The following SLC25A34 variants were observed in gnomAD, a reference collection of about 807,000 sequenced individuals.
SLC25A34 encodes the protein solute carrier family 25 member 34, also known as solute carrier family 25, member 34.
Under a neutral mutation model 28.1 loss-of-function variants are expected in SLC25A34, and 26 were observed. That is an observed-to-expected ratio of 0.93 (90% CI 0.68 to 1.28). SLC25A34 has a LOEUF of 1.28. Among genes scored for constraint, SLC25A34 ranks in the 50% most tolerant of loss-of-function variants. The pLI is 0.00. For missense variants in SLC25A34, 384 were observed against 409.8 expected (o/e 0.94, Z 0.54); for synonymous variants, 182 against 182.2 (o/e 1.00, Z 0.01).
At chr1:15,737,730 A>G in intron 1 of SLC25A34, 199 bp from the exon 2 acceptor site, 1 of 599,948 alleles carries the variant, frequency 1.7e-6, no homozygotes, top group Non-Finnish European at 3.0e-6. Flanking sequence ...AACTTGCTCC[A>G]AGTCACACTG....
chr1:15,737,007 C>T, intron 1 of SLC25A34, 144 bp downstream of exon 1: 1 of 1,181,296 alleles, frequency 8.5e-7, no homozygotes, highest in Non-Finnish European at 1.1e-6. Context: ...AACATCCTAG[C>T]CCAAGCCTGG....
At chr1:15,737,848 GCAGGGCGCCCTCAA>G (rs2068239984) in intron 1 of SLC25A34, 67 bp from the exon 2 acceptor site, 1 of 1,504,822 alleles carries the variant, frequency 6.6e-7, no homozygotes. Context: ...GGGCACGGGG[GCAGGGCGCCCTCAA>G]CACACACAGC....
Position 15,739,306 on chromosome 1 carries a change from G to T in SLC25A34, c.815G>T (p.Gly272Val). 2 of 1,610,990 alleles carry T rather than the reference G, an allele frequency of 1.2e-6. No homozygotes were observed. Among genetic ancestry groups the T allele is most frequent in the Non-Finnish European group, 1.7e-6 (2 of 1,178,950 alleles). ...CCCCTGGCACTCTACAAGGGCCTGGGCCCCGCCTACCTGCGCCTGGGCCCC... is the reference window on the plus strand; with the variant it reads ...CCCCTGGCACTCTACAAGGGCCTGGTCCCCGCCTACCTGCGCCTGGGCCCC... ...EGPLALYKGLGPAYLRLGPHT... is the reference protein window; with the variant it reads ...EGPLALYKGLVPAYLRLGPHT... Residue 272 changes from glycine to valine, a missense_variant, in exon 5 of 5, where the codon GGC (glycine) becomes GTC (valine). Coordinates refer to ENST00000294454, the MANE Select transcript of SLC25A34 (RefSeq NM_207348.3).
At chr1:15,737,893 T>A in intron 1 of SLC25A34, 36 bp from the exon 2 acceptor site, 1 of 1,613,242 alleles carries the variant, frequency 6.2e-7, no homozygotes, top group Non-Finnish European at 8.5e-7. Context: ...TCTCCCAGGC[T>A]CCATCCCCAC....
At chr1:15,738,536 C>T (rs2068247999) in intron 3 of SLC25A34, 58 bp from the exon 4 acceptor site, 1 of 1,563,070 alleles carries the variant, frequency 6.4e-7, no homozygotes, top group Non-Finnish European at 8.6e-7. Context: ...GCCGGGAGGG[C>T]ACGACGTGGG....
chr1:15,738,392 T>C, intron 3 of SLC25A34, 147 bp downstream of exon 3: 1 of 1,314,234 alleles, frequency 7.6e-7, no homozygotes, highest in Non-Finnish European at 1.0e-6. Flanking sequence ...CGGCCCTTGG[T>C]ACCAGCAGGA....
chr1:15,737,820 TG>T, intron 1 of SLC25A34, 108 bp from the exon 2 acceptor site: 2 of 1,219,600 alleles, frequency 1.6e-6, no homozygotes, highest in South Asian at 1.3e-5. Context: ...CTCGGGACCA[TG>T]GAGCTGTGAG....
chr1:15,738,606 G>A lies in SLC25A34; in HGVS notation c.610G>A (p.Asp204Asn). The A allele has an allele frequency of 1.2e-6, 2 of 1,608,244 alleles. No homozygotes were observed. Among genetic ancestry groups the A allele is most frequent in the South Asian group, 2.2e-5 (2 of 90,660 alleles). The stretch of plus-strand genomic sequence containing the variant: ...GCCATCCCCACAGTGGCTCCCTGAG[G>A]ACAGCTGGCTGGTGGCCCTGGCTGG... ...WVQKQQWLPE[D>N]SWLVALAGGM... The change falls in exon 4 of 5, where the codon GAC becomes AAC. Residue 204 changes from aspartate (D) to asparagine (N), a missense_variant. Coordinates refer to ENST00000294454, the MANE Select transcript of SLC25A34 (RefSeq NM_207348.3).
intron 4 of SLC25A34, 155 bp from the exon 5 acceptor site, chr1:15,739,056 GGCCTGACCCCACA>G: frequency 1.2e-6 from 1 of 860,118 alleles, no homozygotes; most frequent in Non-Finnish European, 1.7e-6. Flanking sequence ...CTGGAATTCA[GGCCTGACCCCACA>G]GCCTTCCCAT....
At chr1:15,738,337 G>T (rs2068246436) in intron 3 of SLC25A34, 92 bp downstream of exon 3, 3 of 1,472,510 alleles carry the variant, frequency 2.0e-6, no homozygotes, top group African/African-American at 1.4e-5. Flanking sequence ...AGACCAGGGG[G>T]TGGCAACAGA....
In SLC25A34 at chr1:15,739,203, T is replaced by A. The variant is rs2148390718; in HGVS notation, c.733-21T>A. The A allele has an allele frequency of 3.7e-6, 6 of 1,608,170 alleles. No homozygotes were observed. The East Asian group carries it at 1.3e-4, about 36-fold the overall frequency. ...GGCCTCAAGGCCCCTGTAGTAACAC[T>A]CACCCCATGTCTTTCCCCAGGGCCA... On this transcript the variant is annotated intron_variant, in intron 4 of 4. Transcript: ENST00000294454.
Position 15,738,156 on chromosome 1 carries a change from G to A in SLC25A34, c.508G>A (p.Val170Ile), listed in dbSNP as rs769452605. The change falls in exon 3 of 5, where the codon GTT (valine) becomes ATT (isoleucine). Residue 170 changes from valine (V) to isoleucine (I), a missense_variant. Physicochemically the swap from Val to Ile is conservative, Grantham distance 29. Transcript: ENST00000294454. Reference sequence around the variant, plus strand: ...AGGGCTCTTGGGGCTGTGGCAGGGCGTTGGTGGGGCTGTGCCCCGAGTCAT... The same window carrying A: ...AGGGCTCTTGGGGCTGTGGCAGGGCATTGGTGGGGCTGTGCCCCGAGTCAT... ...QQGLLGLWQG[V>I]GGAVPRVMVG... 79 of 1,607,838 alleles carry A rather than the reference G, an allele frequency of 4.9e-5. 1 individual carries two copies. Among genetic ancestry groups the A allele is most frequent in the East Asian group, 1.1e-4 (5 of 44,780 alleles).
rs773313025 is a variant in SLC25A34, at chr1:15,738,641, C to CA, written c.646dup (p.Ser216LysfsTer108). ...TGGTGGCCCTGGCTGGGGGCATGAT[C>CA]AGCAGCATAGCCGTGGTTGTCGTCA... On this transcript the variant is annotated frameshift_variant, in exon 4 of 5. Coordinates refer to ENST00000294454, the MANE Select transcript of SLC25A34 (RefSeq NM_207348.3). LOFTEE classifies it high-confidence loss of function. 2 of 1,609,502 alleles carry CA rather than the reference C, an allele frequency of 1.2e-6. No homozygotes were observed. The highest frequency in any genetic ancestry group is 3.4e-5 in the Admixed American group (2 of 59,620).
In SLC25A34 at chr1:15,739,215, T is replaced by G. The variant is rs1217994950; in HGVS notation, c.733-9T>G. ...CCTGTAGTAACACTCACCCCATGTC[T>G]TTCCCCAGGGCCAGCTCTATGGGGG... On this transcript the variant is annotated splice_polypyrimidine_tract_variant and intron_variant, in intron 4 of 4. Coordinates refer to ENST00000294454, the MANE Select transcript of SLC25A34 (RefSeq NM_207348.3). 1.6e-5 allele frequency: 26 copies of G among 1,611,454 alleles called. No individual in the cohort carries two copies. The Admixed American group carries it at 4.4e-4, about 27-fold the overall frequency.
rs368969207 is a variant in SLC25A34, at chr1:15,738,654, G to A, written c.658G>A (p.Val220Met). 14 of 1,609,086 alleles carry A rather than the reference G, an allele frequency of 8.7e-6. No homozygotes were observed. Among genetic ancestry groups the A allele is most frequent in the Admixed American group, 3.4e-5 (2 of 59,486 alleles). Residue 220 changes from valine (V) to methionine (M), a missense_variant, in exon 4 of 5, where the codon GTG becomes ATG. Coordinates refer to ENST00000294454, the MANE Select transcript of SLC25A34 (RefSeq NM_207348.3). The part of the protein sequence containing the change: ...LAGGMISSIA[V>M]VVVMTPFDVV... ...TGGGGGCATGATCAGCAGCATAGCC[G>A]TGGTTGTCGTCATGACTCCCTTCGA...
rs1437291726 is a variant in SLC25A34, at chr1:15,737,763, CCA to C, written c.379-165_379-164del. 74 of 697,342 alleles carry C rather than the reference CCA, an allele frequency of 1.1e-4. 1 individual carries two copies. The highest frequency in any genetic ancestry group is 4.1e-4 in the Middle Eastern group (1 of 2,450). The allele number at this position is 697,342 out of a possible 1,614,324, so 43.2% of individuals were successfully genotyped here. On this transcript the variant is annotated intron_variant, in intron 1 of 4. Transcript: ENST00000294454. ...CTGAGACGCAAAACCCAGGCCAACC[CCA>C]GAGCTGCACCTCAACCCTATTTCAC...
intron 4 of SLC25A34, 153 bp from the exon 5 acceptor site, chr1:15,739,071 C>T (rs2068255132): frequency 1.0e-6 from 1 of 986,242 alleles, no homozygotes; most frequent in Non-Finnish European, 1.5e-6. Flanking sequence ...GACCCCACAG[C>T]CTTCCCATGG....
Position 15,739,631 on chromosome 1 carries a change from T to C in SLC25A34, c.*225T>C. 2.2e-6 allele frequency: 1 copy of C among 459,408 alleles called. No homozygotes were observed. Among genetic ancestry groups the C allele is most frequent in the African/African-American group, 2.0e-5 (1 of 49,526 alleles). 28.5% of individuals were successfully genotyped at this position (459,408 alleles called of 1,614,324 possible). A position where few individuals can be genotyped will look rare whatever the true frequency, so the allele number is the denominator to read the frequency against. ...TCTGTCTTCCAGACAGTTCTCTTCCTTCTCTGTACTGCGTACTGGGTCACC... is the reference window on the plus strand; with the variant it reads ...TCTGTCTTCCAGACAGTTCTCTTCCCTCTCTGTACTGCGTACTGGGTCACC... On this transcript the variant is annotated 3_prime_UTR_variant, in exon 5 of 5. Transcript: ENST00000294454.
intron 1 of SLC25A34, chr1:15,737,675 C>G (rs1257420378): frequency 3.7e-6 from 2 of 536,674 alleles, no homozygotes; most frequent in Non-Finnish European, 6.6e-6. Flanking sequence ...ATCCTCAGAA[C>G]AGCTTTCCAA....
Sources: gnomAD v4.1 joint callset for allele counts on GRCh38, gnomAD v4.1.1 for gene constraint, MANE v1.5 for transcripts, NCBI Gene and HGNC (gene_info 2026-07-23, HGNC 2026-07-21) for gene names.